Variants in IMMP1L observed in about 807,000 individuals in gnomAD.
IMMP1L encodes the protein inner mitochondrial membrane peptidase subunit 1, also known as mitochondrial inner membrane protease subunit 1.
In IMMP1L, 24 loss-of-function variants were observed where a neutral mutation model predicts 21.8. The ratio of observed to expected loss-of-function variants is 1.10; its 90% CI spans 0.80 to 1.55. The LOEUF (loss-of-function observed/expected upper bound fraction) is 1.55. IMMP1L is among the 40% of genes most tolerant of loss of function. The pLI, the probability that IMMP1L is intolerant of heterozygous loss-of-function variation, is 0.00. For missense variants in IMMP1L, 195 were observed against 200.7 expected, an observed-to-expected ratio of 0.97 and a Z score of 0.17; for synonymous variants, 46 against 62.8, an observed-to-expected ratio of 0.73 and a Z score of 1.26.
At chr11:31,502,608 T>A (rs952538557) in intron 1 of IMMP1L, among the ~76,000 whole-genome samples, 2 of 152,204 alleles carry the variant, frequency 1.3e-5, no homozygotes, top group Non-Finnish European at 2.9e-5. Context: ...CCATAATTAT[T>A]CAAACCGAAG....
At chr11:31,481,771 C>T (rs1167654436) in intron 1 of IMMP1L, among the ~76,000 whole-genome samples, 3 of 151,688 alleles carry the variant, frequency 2.0e-5, no homozygotes, top group Non-Finnish European at 4.4e-5. Flanking sequence ...TTTCAAATAG[C>T]TAGCATTTTA....
chr11:31,448,462 G>A (rs1953615959), intron 4 of IMMP1L, among the ~76,000 whole-genome samples: 1 of 152,048 alleles, frequency 6.6e-6, no homozygotes, highest in Admixed American at 6.6e-5. Context: ...TTTAATTTTT[G>A]CAAATGACTT....
At chr11:31,472,324 C>T (rs1187539922) in intron 1 of IMMP1L, among the ~76,000 whole-genome samples, 1 of 152,174 alleles carries the variant, frequency 6.6e-6, no homozygotes, top group African/African-American at 2.4e-5. Flanking sequence ...AATATGGCAT[C>T]ATCTTGAAAC....
In IMMP1L at chr11:31,436,875, A is replaced by G. The variant is rs138380259; in HGVS notation, c.322-3305T>C. 5.7e-3 allele frequency among the ~76,000 whole-genome samples: 873 copies of G among 152,342 alleles called. 6 individuals carry two copies. The highest frequency in any genetic ancestry group is 0.02 in the African/African-American group (834 of 41,580). Reference sequence around the variant, plus strand: ...GACATTTAGTCAAGGAAAAAGAAATAGGTTCAAATATGAGACATGCTAACT... The same window carrying G: ...GACATTTAGTCAAGGAAAAAGAAATGGGTTCAAATATGAGACATGCTAACT... On this transcript the variant is annotated intron_variant, in intron 4 of 5. Transcript: ENST00000532287.
chr11:31,466,862 C>T (rs982723776), intron 1 of IMMP1L, among the ~76,000 whole-genome samples: 9 of 151,902 alleles, frequency 5.9e-5, no homozygotes, highest in East Asian at 3.9e-4. Context: ...TGGATGAATA[C>T]GGTTAACTAT....
chr11:31,441,700 T>A (rs1953335208), intron 4 of IMMP1L, among the ~76,000 whole-genome samples: 1 of 152,120 alleles, frequency 6.6e-6, no homozygotes, highest in South Asian at 2.1e-4. Flanking sequence ...ATAGCAATAT[T>A]ATAATAATAA....
chr11:31,495,628 CAA>C (rs1227754463), intron 1 of IMMP1L, among the ~76,000 whole-genome samples: 3 of 152,078 alleles, frequency 2.0e-5, no homozygotes, highest in Non-Finnish European at 4.4e-5. Context: ...AAATTTAGTA[CAA>C]AGTTATAGTA....
chr11:31,479,779 A>G (rs571752829), intron 1 of IMMP1L, among the ~76,000 whole-genome samples: 2 of 152,066 alleles, frequency 1.3e-5, no homozygotes, highest in Non-Finnish European at 2.9e-5. Context: ...AGCAGGTCTT[A>G]TATTTTCCTA....
intron 1 of IMMP1L, among the ~76,000 whole-genome samples, chr11:31,496,635 G>A (rs1416529057): frequency 4.6e-5 from 7 of 150,632 alleles, no homozygotes; most frequent in South Asian, 4.2e-4. Context: ...GTGTGTGTGT[G>A]TATATTATAA....
chr11:31,432,898 G>T (rs1160684624), intron 5 of IMMP1L, among the ~76,000 whole-genome samples: 1 of 152,168 alleles, frequency 6.6e-6, no homozygotes, highest in Admixed American at 6.5e-5. Context: ...AACCAAAGGG[G>T]CTTAGGTTTA....
intron 1 of IMMP1L, among the ~76,000 whole-genome samples, chr11:31,509,170 T>A (rs1236184073): frequency 1.3e-5 from 2 of 152,174 alleles, no homozygotes; most frequent in Non-Finnish European, 2.9e-5. Context: ...CCAGATAGCC[T>A]CAAAGTTCAA....
chr11:31,447,719 G>A (rs1953577806), intron 4 of IMMP1L, among the ~76,000 whole-genome samples: 25 of 152,174 alleles, frequency 1.6e-4, no homozygotes, highest in Admixed American at 1.5e-3. Flanking sequence ...CAGATTGGCA[G>A]TGCAATAACT....
chr11:31,477,848 TG>T (rs1241430306), intron 1 of IMMP1L: 1 of 152,270 alleles, frequency 6.6e-6, no homozygotes, highest in Non-Finnish European at 1.5e-5. Flanking sequence ...TTTGCTGTGC[TG>T]GTTGGCCCCC....
At chr11:31,463,135 A>G (rs1230127543) in intron 2 of IMMP1L, 37 bp downstream of exon 2, 10 of 1,502,182 alleles carry the variant, frequency 6.7e-6, no homozygotes, top group Non-Finnish European at 6.3e-6. Context: ...AAGAAAGTAT[A>G]TATTTAAGAT....
At chr11:31,439,560 A>G (rs950502331) in intron 4 of IMMP1L, among the ~76,000 whole-genome samples, 5 of 152,200 alleles carry the variant, frequency 3.3e-5, no homozygotes, top group South Asian at 2.1e-4. Flanking sequence ...TTTACTTTTG[A>G]TTATGTGTTA....
intron 5 of IMMP1L, 113 bp downstream of exon 5, chr11:31,433,347 T>C (rs1952988167): frequency 3.5e-6 from 2 of 576,936 alleles, no homozygotes. Context: ...TCAAAAAATA[T>C]ATTCGGTGCA....
intron 1 of IMMP1L, among the ~76,000 whole-genome samples, chr11:31,486,137 G>A (rs1955068213): frequency 6.6e-6 from 1 of 151,310 alleles, no homozygotes; most frequent in African/African-American, 2.4e-5. Flanking sequence ...AATAGCCGAA[G>A]GAATATCTGA....
chr11:31,472,865 TA>T (rs1477812198), intron 1 of IMMP1L, among the ~76,000 whole-genome samples: 1 of 151,942 alleles, frequency 6.6e-6, no homozygotes, highest in Admixed American at 6.5e-5. Context: ...ATTTTTTATT[TA>T]TTTATTTATT....
intron 4 of IMMP1L, chr11:31,437,224 CAGGGGAAGA>C (rs1953154567): frequency 2.5e-6 from 1 of 406,952 alleles, no homozygotes; most frequent in African/African-American, 2.1e-5. Flanking sequence ...ACGAGATATC[CAGGGGAAGA>C]GACCCAAGTC....
Sources: gnomAD v4.1 joint callset for allele counts (sites outside exome capture counted in the v4.1 genomes callset) on GRCh38, gnomAD v4.1.1 for gene constraint, MANE v1.5 for transcripts, NCBI Gene and HGNC (gene_info 2026-07-23, HGNC 2026-07-21) for gene names.